PARK7: variants seen among roughly 807,000 people sequenced by gnomAD.
PARK7 encodes Parkinsonism associated deglycase, also known as Parkinson disease protein 7.
In PARK7, 14 loss-of-function variants were observed where a neutral mutation model predicts 20.5. The ratio of observed to expected loss-of-function variants is 0.68; its 90% confidence interval spans 0.45 to 1.07. The LOEUF (loss-of-function observed/expected upper bound fraction) is 1.07, where lower values mean the gene tolerates loss of function less well. Among genes scored for constraint, PARK7 ranks in the 50% least tolerant of loss-of-function variants. The probability of loss-of-function intolerance (pLI) is 0.00; values close to 1 mark genes in which losing one functional copy is unlikely to be tolerated. For missense variants in PARK7, 234 were observed against 238.1 expected (o/e 0.98, Z 0.11); for synonymous variants, 98 against 84.3 (o/e 1.16, Z -0.89).
chr1:7,977,523 A>G (rs528749237), intron 5 of PARK7, 129 bp from the exon 6 acceptor site: 1 of 768,760 alleles, frequency 1.3e-6, no homozygotes, highest in African/African-American at 1.7e-5. Context: ...GGGCTCAAGC[A>G]ATTTTTCTAC....
chr1:7,978,947 A>G (rs927160471), intron 6 of PARK7, among the ~76,000 whole-genome samples: 1 of 151,542 alleles, frequency 6.6e-6, no homozygotes, highest in African/African-American at 2.4e-5. Context: ...TACTAAATGT[A>G]TTGTTCTGCA....
chr1:7,962,682 T>G, intron 1 of PARK7, 81 bp from the exon 2 acceptor site: 1 of 848,344 alleles, frequency 1.2e-6, no homozygotes, highest in Non-Finnish European at 1.9e-6. Context: ...TGCTTGAAAA[T>G]GCTCCTAAAC....
intron 1 of PARK7, among the ~76,000 whole-genome samples, chr1:7,962,392 CAG>C (rs60744236): frequency 0.05 from 7,648 of 152,200 alleles, 647 homozygotes; most frequent in African/African-American, 0.17. Flanking sequence ...TTCTCTGAAA[CAG>C]TGCTTCAAAA....
At chr1:7,983,976 C>A (rs1246791117) in intron 6 of PARK7, among the ~76,000 whole-genome samples, 1 of 152,108 alleles carries the variant, frequency 6.6e-6, no homozygotes, top group Non-Finnish European at 1.5e-5. Flanking sequence ...ATCAATGCTG[C>A]GAGGGCAGTA....
chr1:7,979,877 C>T (rs906874836), intron 6 of PARK7, among the ~76,000 whole-genome samples: 15 of 152,118 alleles, frequency 9.9e-5, no homozygotes, highest in African/African-American at 2.4e-4. Flanking sequence ...GTACTTTTTG[C>T]TGGATGCAGT....
chr1:7,973,194 G>A (rs1236174491), intron 5 of PARK7, among the ~76,000 whole-genome samples: 3 of 152,248 alleles, frequency 2.0e-5, no homozygotes, highest in African/African-American at 7.2e-5. Context: ...GGCAGGTCTT[G>A]TACGTGGGCT....
intron 3 of PARK7, 57 bp downstream of exon 3, chr1:7,965,482 G>A: frequency 6.8e-7 from 1 of 1,468,270 alleles, no homozygotes; most frequent in Non-Finnish European, 9.5e-7. Context: ...TTCTTGAAAT[G>A]TCTTAAGAGT....
intron 3 of PARK7, among the ~76,000 whole-genome samples, chr1:7,968,310 A>G (rs1161902824): frequency 6.6e-6 from 1 of 151,000 alleles, no homozygotes; most frequent in African/African-American, 2.4e-5. Flanking sequence ...CTCAAAAAAA[A>G]AAAAAAAAGA....
intron 5 of PARK7, among the ~76,000 whole-genome samples, chr1:7,975,805 G>A (rs1314706090): frequency 6.6e-6 from 1 of 152,190 alleles, no homozygotes; most frequent in African/African-American, 2.4e-5. Context: ...GCAAGATGAT[G>A]TAGGAATTTC....
intron 5 of PARK7, chr1:7,971,403 T>C (rs1640462263): frequency 5.4e-5 from 14 of 261,412 alleles, no homozygotes; most frequent in South Asian, 4.1e-4. Flanking sequence ...CGTTTCTGAT[T>C]GTCTCAGTAC....
chr1:7,974,212 C>T lies in PARK7; in HGVS notation c.322+3249C>T, dbSNP rs958672604. ...TGGTGCACACTTGTAGTCCCAGCTA[C>T]TCAGGAGGCTGAGGTGGGAGGATCA... On this transcript the variant is annotated intron_variant, in intron 5 of 6. Transcript: ENST00000338639. Among the ~76,000 whole-genome samples the T allele has an allele frequency of 2.0e-5, 3 of 151,082 alleles. No homozygotes were observed. The East Asian group carries it at 5.8e-4, about 29-fold the overall frequency.
chr1:7,978,723 G>GT (rs1009923598), intron 6 of PARK7, among the ~76,000 whole-genome samples: 1 of 152,046 alleles, frequency 6.6e-6, no homozygotes, highest in Non-Finnish European at 1.5e-5. Flanking sequence ...ATGCACACTG[G>GT]TAGTTGCAGC....
chr1:7,968,559 A>G (rs1640380735), intron 3 of PARK7, among the ~76,000 whole-genome samples: 2 of 151,992 alleles, frequency 1.3e-5, no homozygotes, highest in African/African-American at 4.8e-5. Flanking sequence ...TCTGTTGCCC[A>G]GGCTAGAGTG....
chr1:7,973,929 A>G (rs1252100418), intron 5 of PARK7, among the ~76,000 whole-genome samples: 1 of 151,294 alleles, frequency 6.6e-6, no homozygotes, highest in East Asian at 1.9e-4. Context: ...AAAAAAATCA[A>G]CCACATTTGG....
chr1:7,965,573 C>G, intron 3 of PARK7, 148 bp downstream of exon 3: 1 of 741,570 alleles, frequency 1.3e-6, no homozygotes, highest in Non-Finnish European at 2.4e-6. Flanking sequence ...AGGACTTTGT[C>G]TTTCTATTCT....
Position 7,977,625 on chromosome 1 carries a change from C to T in PARK7, c.323-27C>T, listed in dbSNP as rs1256594272. 3 of 1,595,912 alleles carry T rather than the reference C, an allele frequency of 1.9e-6. No homozygotes were observed. In the East Asian group the frequency reaches 6.7e-5, roughly 36 times the overall value. ...AAACATGGGCTTTTCTATATCTGCACTTAGATCTTTTTATTTTTATTCTTA... is the reference window on the plus strand; with the variant it reads ...AAACATGGGCTTTTCTATATCTGCATTTAGATCTTTTTATTTTTATTCTTA... On this transcript the variant is annotated intron_variant, in intron 5 of 6. Coordinates refer to ENST00000338639, the MANE Select transcript of PARK7 (RefSeq NM_007262.5).
chr1:7,969,450 G>GAAA, intron 4 of PARK7, 46 bp downstream of exon 4: 2 of 740,564 alleles, frequency 2.7e-6, no homozygotes, highest in Non-Finnish European at 2.4e-6. Flanking sequence ...TGGGGGGGGG[G>GAAA]AAAAACTAAA....
intron 2 of PARK7, 136 bp from the exon 3 acceptor site, chr1:7,965,188 G>C: frequency 2.7e-6 from 2 of 752,790 alleles, no homozygotes; most frequent in Middle Eastern, 3.7e-4. Flanking sequence ...GCTGCAGTAA[G>C]CTATGATTGT....
intron 5 of PARK7, among the ~76,000 whole-genome samples, chr1:7,976,531 T>G (rs1640586920): frequency 6.6e-6 from 1 of 152,166 alleles, no homozygotes; most frequent in African/African-American, 2.4e-5. Context: ...CTTCATCAAC[T>G]GACACTTCCA....
Sources: gnomAD v4.1 joint callset for allele counts (sites outside exome capture counted in the v4.1 genomes callset) on GRCh38, gnomAD v4.1.1 for gene constraint, MANE v1.5 for transcripts, NCBI Gene and HGNC (gene_info 2026-07-23, HGNC 2026-07-21) for gene names.